The following ARNT2 variants were observed in gnomAD, a reference collection of about 807,000 sequenced individuals.
ARNT2 encodes ARNT protein 2.
ARNT2 carries 36 observed loss-of-function variants against 91.7 expected under a neutral mutation model. That is an observed-to-expected ratio of 0.39 (90% CI 0.30 to 0.52). The LOEUF is 0.52. Among genes scored for constraint, ARNT2 ranks in the 20% least tolerant of loss-of-function variants. The probability of loss-of-function intolerance (pLI) is 0.72; values close to 1 mark genes in which losing one functional copy is unlikely to be tolerated. For synonymous variants in ARNT2, 365 were observed against 347.1 expected, an observed-to-expected ratio of 1.05 and a Z score of -0.57; for missense variants, 775 against 939.3, an observed-to-expected ratio of 0.83 and a Z score of 2.29.
intron 1 of ARNT2, among the ~76,000 whole-genome samples, chr15:80,419,219 G>C (rs1389990661): frequency 6.6e-6 from 1 of 152,228 alleles, no homozygotes; most frequent in Non-Finnish European, 1.5e-5. Context: ...GTTCAGGGGT[G>C]GGAGTGGGCT....
intron 8 of ARNT2, among the ~76,000 whole-genome samples, chr15:80,544,206 G>A (rs12913728): frequency 0.014 from 2,113 of 152,250 alleles, 30 homozygotes; most frequent in Middle Eastern, 0.037. Context: ...TCAGTTCTGC[G>A]TCATGTTTTG....
chr15:80,553,041 T>C (rs1430090306), intron 10 of ARNT2, among the ~76,000 whole-genome samples: 1 of 152,262 alleles, frequency 6.6e-6, no homozygotes, highest in East Asian at 1.9e-4. Flanking sequence ...ATTAAGATGT[T>C]CTATTAATAG....
chr15:80,461,670 G>A (rs1412150627), intron 3 of ARNT2, among the ~76,000 whole-genome samples: 1 of 152,082 alleles, frequency 6.6e-6, no homozygotes, highest in Non-Finnish European at 1.5e-5. Context: ...GTGGTCTGGG[G>A]GCAGGGGCTG....
At chr15:80,462,010 C>T (rs765687405) in intron 3 of ARNT2, among the ~76,000 whole-genome samples, 43 of 152,160 alleles carry the variant, frequency 2.8e-4, no homozygotes, top group Non-Finnish European at 6.2e-4. Context: ...AGTGGTGCCG[C>T]ACCCTCCTAT....
At chr15:80,592,533 C>T (rs978734361) in intron 18 of ARNT2, among the ~76,000 whole-genome samples, 1 of 152,220 alleles carries the variant, frequency 6.6e-6, no homozygotes, top group African/African-American at 2.4e-5. Flanking sequence ...GATTGCAACC[C>T]CTCCTTCTCA....
intron 11 of ARNT2, among the ~76,000 whole-genome samples, chr15:80,557,627 C>A (rs1898217260): frequency 6.6e-6 from 1 of 152,158 alleles, no homozygotes; most frequent in Non-Finnish European, 1.5e-5. Context: ...CCCTCAAATG[C>A]AGAATGCCTG....
intron 5 of ARNT2, among the ~76,000 whole-genome samples, chr15:80,491,289 A>G (rs1356034412): frequency 6.6e-6 from 1 of 152,206 alleles, no homozygotes; most frequent in East Asian, 1.9e-4. Flanking sequence ...TCATGGCAGA[A>G]GGCAAGGAGG....
In ARNT2 at chr15:80,591,440, C is replaced by G. The variant is rs2141489208; in HGVS notation, c.1919-128C>G. 1.6e-6 allele frequency: 2 copies of G among 1,214,982 alleles called. No homozygotes were observed. Among genetic ancestry groups the G allele is most frequent in the Non-Finnish European group, 2.4e-6 (2 of 844,440 alleles). 75.3% of individuals were successfully genotyped at this position (1,214,982 alleles called of 1,614,324 possible). On this transcript the variant is annotated intron_variant, in intron 17 of 18. Transcript: ENST00000303329. The surrounding 1 kb of genome is among the most constrained non-coding windows in gnomAD (Gnocchi z 5.1). Reference sequence around the variant, plus strand: ...GTGAGAAAGACGAGGATAGCAAACACATTCCGCCAGCTCTGGATGGAACGT... The same window carrying G: ...GTGAGAAAGACGAGGATAGCAAACAGATTCCGCCAGCTCTGGATGGAACGT...
chr15:80,567,906 C>T lies in ARNT2; in HGVS notation c.1316+4667C>T, dbSNP rs189388334. ...CCAGCTCTTTTTTGAATTTGTGAGG[C>T]GAAACTTTGCCAGCAGTAGGCAGAC... On this transcript the variant is annotated intron_variant, in intron 12 of 18. Coordinates refer to ENST00000303329, the MANE Select transcript of ARNT2 (RefSeq NM_014862.4). Among the ~76,000 whole-genome samples the T allele has an allele frequency of 1.2e-3, 182 of 152,190 alleles. 1 individual carries two copies. The highest frequency in any genetic ancestry group is 4.3e-3 in the African/African-American group (178 of 41,522).
chr15:80,543,005 A>T (rs1000331008), intron 8 of ARNT2, among the ~76,000 whole-genome samples: 1 of 150,182 alleles, frequency 6.7e-6, no homozygotes, highest in Non-Finnish European at 1.5e-5. Flanking sequence ...GCAGACATGG[A>T]AGGATGGCTT....
Position 80,552,362 on chromosome 15 carries a change from C to T in ARNT2, c.955-278C>T, listed in dbSNP as rs530139642. 9.5e-4 allele frequency among the ~76,000 whole-genome samples: 145 copies of T among 152,276 alleles called. 1 individual carries two copies. The highest frequency in any genetic ancestry group is 3.4e-3 in the African/African-American group (142 of 41,540). On this transcript the variant is annotated intron_variant, in intron 9 of 18. Transcript: ENST00000303329. ...AATGCCAAGGTTTAACATGCAATAT[C>T]CCTTTTAAGGCTCACAAATGCCCTG...
chr15:80,407,520 T>C (rs1283210496), intron 1 of ARNT2, among the ~76,000 whole-genome samples: 1 of 152,240 alleles, frequency 6.6e-6, no homozygotes, highest in Non-Finnish European at 1.5e-5. Context: ...TGACTTCTGC[T>C]ATGACAGTCC....
At chr15:80,408,205 T>C (rs909726393) in intron 1 of ARNT2, among the ~76,000 whole-genome samples, 2 of 152,220 alleles carry the variant, frequency 1.3e-5, no homozygotes, top group African/African-American at 4.8e-5. Flanking sequence ...GTTGAACTGA[T>C]TGGATATCTT....
At chr15:80,504,708 C>T (rs1897247896) in intron 5 of ARNT2, among the ~76,000 whole-genome samples, 1 of 151,586 alleles carries the variant, frequency 6.6e-6, no homozygotes, top group South Asian at 2.1e-4. Flanking sequence ...GTCAAGGCTG[C>T]AGTGAGCTAA....
At chr15:80,572,781 C>T (rs1898605749) in intron 12 of ARNT2, among the ~76,000 whole-genome samples, 1 of 152,184 alleles carries the variant, frequency 6.6e-6, no homozygotes, top group Non-Finnish European at 1.5e-5. Context: ...TTTGCTCACC[C>T]ACATAGTTTG....
At chr15:80,517,910 C>T (rs74844007) in intron 8 of ARNT2, among the ~76,000 whole-genome samples, 1,783 of 152,212 alleles carry the variant, frequency 0.012, 23 homozygotes, top group East Asian at 0.042. Flanking sequence ...ATATTGTCTA[C>T]GTTTTCCATG....
chr15:80,554,830 G>A (rs2141458543), intron 10 of ARNT2: 1 of 448,424 alleles, frequency 2.2e-6, no homozygotes, highest in South Asian at 4.3e-5. Flanking sequence ...TAGTGCCTTA[G>A]CAAAATTAGA....
intron 5 of ARNT2, among the ~76,000 whole-genome samples, chr15:80,480,448 T>G (rs1339307481): frequency 1.3e-5 from 2 of 152,160 alleles, no homozygotes. Context: ...TTGATCCTGG[T>G]GAGCAGAACT....
intron 8 of ARNT2, among the ~76,000 whole-genome samples, chr15:80,539,015 T>A (rs567437621): frequency 1.8e-4 from 27 of 152,088 alleles, no homozygotes; most frequent in East Asian, 1.2e-3. Flanking sequence ...TCAAAAAAAA[T>A]TTTTTTTCTT....
Sources: gnomAD v4.1 joint callset for allele counts (sites outside exome capture counted in the v4.1 genomes callset) on GRCh38, gnomAD v4.1.1 for gene constraint, Gnocchi (gnomAD v3.1) non-coding constraint, MANE v1.5 for transcripts, NCBI Gene and HGNC (gene_info 2026-07-23, HGNC 2026-07-21) for gene names.